VWA3B: variants seen among roughly 807,000 people sequenced by gnomAD.
VWA3B encodes von Willebrand factor A domain containing 3B.
Under a neutral mutation model 158.3 loss-of-function variants are expected in VWA3B, and 138 were observed. The observed-to-expected ratio is 0.87, with a 90% confidence interval of 0.76 to 1.00. VWA3B has a LOEUF of 1.00. Ranked by LOEUF, VWA3B falls within the 50% of genes least tolerant of loss-of-function variation. The pLI, the probability that VWA3B is intolerant of heterozygous loss-of-function variation, is 0.00. For synonymous variants in VWA3B, 596 were observed against 587.3 expected (o/e 1.01, Z -0.21); for missense variants, 1,555 against 1,565.1 (o/e 0.99, Z 0.11).
chr2:98,176,333 C>T (rs1362434194), intron 8 of VWA3B, among the ~76,000 whole-genome samples: 1 of 146,278 alleles, frequency 6.8e-6, no homozygotes, highest in African/African-American at 2.5e-5. Flanking sequence ...CTCCCTCCCT[C>T]ATCATCACCA....
chr2:98,197,115 G>T (rs1453433829), intron 12 of VWA3B, among the ~76,000 whole-genome samples: 1 of 152,176 alleles, frequency 6.6e-6, no homozygotes, highest in Non-Finnish European at 1.5e-5. Flanking sequence ...TCCAATCTGT[G>T]ACAGTTCTTC....
At chr2:98,260,656 TACATAA>T (rs1687425600) in intron 21 of VWA3B, among the ~76,000 whole-genome samples, 1 of 151,768 alleles carries the variant, frequency 6.6e-6, no homozygotes, top group African/African-American at 2.4e-5. Flanking sequence ...GGCATAACTA[TACATAA>T]CTGTCTATGC....
At chr2:98,189,873 C>A (rs932044041) in intron 10 of VWA3B, among the ~76,000 whole-genome samples, 1 of 151,970 alleles carries the variant, frequency 6.6e-6, no homozygotes, top group Non-Finnish European at 1.5e-5. Flanking sequence ...GCAGTTTAAC[C>A]GCCCTACATT....
chr2:98,182,274 G>A (rs1407372948), intron 9 of VWA3B, among the ~76,000 whole-genome samples: 3 of 152,196 alleles, frequency 2.0e-5, no homozygotes, highest in Admixed American at 6.5e-5. Flanking sequence ...CTCCAGCAGA[G>A]GGGGAACTCC....
intron 1 of VWA3B, among the ~76,000 whole-genome samples, chr2:98,092,093 C>T (rs1225450396): frequency 6.6e-6 from 1 of 152,206 alleles, no homozygotes; most frequent in Non-Finnish European, 1.5e-5. Context: ...AAGCCCCAGA[C>T]AATAAAACAT....
intron 10 of VWA3B, among the ~76,000 whole-genome samples, chr2:98,189,701 C>T (rs1190789362): frequency 6.6e-6 from 1 of 152,132 alleles, no homozygotes; most frequent in Admixed American, 6.5e-5. Context: ...CTTTAATTCT[C>T]ATTTCAGTTC....
At chr2:98,202,355 T>C (rs994523671) in intron 12 of VWA3B, among the ~76,000 whole-genome samples, 1 of 152,200 alleles carries the variant, frequency 6.6e-6, no homozygotes, top group Admixed American at 6.5e-5. Flanking sequence ...GTAGTGATGT[T>C]TGATATTGGT....
At chr2:98,241,174 G>T (rs547837660) in intron 19 of VWA3B, among the ~76,000 whole-genome samples, 2 of 152,244 alleles carry the variant, frequency 1.3e-5, no homozygotes, top group African/African-American at 4.8e-5. Flanking sequence ...AAGAGAAGGA[G>T]TTATGAAGGT....
At chr2:98,149,399 C>A (rs543800173) in intron 7 of VWA3B, among the ~76,000 whole-genome samples, 25 of 152,232 alleles carry the variant, frequency 1.6e-4, no homozygotes, top group Admixed American at 1.6e-3. Flanking sequence ...CATAGGGGCT[C>A]CAGAGCCCAG....
At chr2:98,129,206 G>GGAGAGAGAGA (rs150753050) in intron 6 of VWA3B, among the ~76,000 whole-genome samples, 23 of 128,434 alleles carry the variant, frequency 1.8e-4, no homozygotes, top group African/African-American at 5.4e-4. Context: ...GAGAGAGAGA[G>GGAGAGAGAGA]GAGAGAGAGA....
At chr2:98,281,762 A>G (rs1026231390) in intron 22 of VWA3B, among the ~76,000 whole-genome samples, 6 of 152,066 alleles carry the variant, frequency 3.9e-5, no homozygotes, top group Non-Finnish European at 7.4e-5. Flanking sequence ...AAGGAGGTGA[A>G]TTGGATTATC....
intron 19 of VWA3B, among the ~76,000 whole-genome samples, chr2:98,248,521 G>T (rs1470934673): frequency 1.3e-5 from 2 of 152,070 alleles, no homozygotes; most frequent in Admixed American, 1.3e-4. Flanking sequence ...CTTGATTTAG[G>T]TCTTGCGAGG....
chr2:98,301,106 C>T (rs1309061907), intron 25 of VWA3B, among the ~76,000 whole-genome samples: 2 of 151,906 alleles, frequency 1.3e-5, no homozygotes, highest in African/African-American at 2.4e-5. Flanking sequence ...CTGGCTAACA[C>T]GGTGAAACCC....
At chr2:98,313,596 G>A (rs975992514), downstream of VWA3B, among the ~76,000 whole-genome samples, 2 of 152,194 alleles carry the variant, frequency 1.3e-5, no homozygotes, top group African/African-American at 2.4e-5. Context: ...TTATTCATAC[G>A]TGCATGCATG....
intron 22 of VWA3B, among the ~76,000 whole-genome samples, chr2:98,277,840 C>T (rs1688621175): frequency 6.6e-6 from 1 of 152,104 alleles, no homozygotes; most frequent in Admixed American, 6.5e-5. Flanking sequence ...AAGATGTTAG[C>T]TGGGGAGACA....
At chr2:98,127,729 C>T (rs1204574819) in intron 5 of VWA3B, among the ~76,000 whole-genome samples, 2 of 152,116 alleles carry the variant, frequency 1.3e-5, no homozygotes, top group East Asian at 3.9e-4. Context: ...AGGACAGCCT[C>T]ACCCCAGCTC....
chr2:98,294,668 TTTTACTTCAGGAAATCCAC>T (rs1689697885), intron 23 of VWA3B, among the ~76,000 whole-genome samples: 1 of 152,274 alleles, frequency 6.6e-6, no homozygotes, highest in Non-Finnish European at 1.5e-5. Flanking sequence ...AGAAGCAGCA[TTTTACTTCAGGAAATCCAC>T]AGTGATTTCT....
At chr2:98,132,184 G>A (rs1675923812) in intron 6 of VWA3B, among the ~76,000 whole-genome samples, 1 of 152,256 alleles carries the variant, frequency 6.6e-6, no homozygotes, top group South Asian at 2.1e-4. Flanking sequence ...CCATGGAGGT[G>A]GGTCTTGCAG....
intron 1 of VWA3B, among the ~76,000 whole-genome samples, chr2:98,091,916 C>T (rs957173680): frequency 1.3e-5 from 2 of 152,176 alleles, no homozygotes; most frequent in East Asian, 1.9e-4. Context: ...TTGTGGTGAG[C>T]GGGTTAAGAT....
Sources: gnomAD v4.1 joint callset for allele counts (sites outside exome capture counted in the v4.1 genomes callset) on GRCh38, gnomAD v4.1.1 for gene constraint, MANE v1.5 for transcripts, NCBI Gene and HGNC (gene_info 2026-07-23, HGNC 2026-07-21) for gene names.